The following ULK4 variants were observed in gnomAD, a reference collection of about 807,000 sequenced individuals.
The protein encoded by ULK4 is unc-51 like kinase 4.
In ULK4, 133 loss-of-function variants were observed where a neutral mutation model predicts 160.6. The ratio of observed to expected loss-of-function variants is 0.83; its 90% CI spans 0.72 to 0.96. ULK4 has a LOEUF of 0.96. ULK4 is among the 40% of genes least tolerant of loss of function. ULK4 has a pLI of 0.00. For missense variants in ULK4, 1,580 were observed against 1,499.5 expected (o/e 1.05, Z -0.89); for synonymous variants, 534 against 539.8 (o/e 0.99, Z 0.15).
At chr3:41,452,882 A>G (rs2083452973) in intron 34 of ULK4, among the ~76,000 whole-genome samples, 1 of 152,138 alleles carries the variant, frequency 6.6e-6, no homozygotes, top group Non-Finnish European at 1.5e-5. Context: ...GAATCAAAAC[A>G]TTGTATTTCA....
chr3:41,918,764 G>A (rs963577560), intron 6 of ULK4, among the ~76,000 whole-genome samples: 5 of 151,912 alleles, frequency 3.3e-5, no homozygotes, highest in Non-Finnish European at 7.4e-5. Context: ...GCCACGCCCA[G>A]CTAATTTTTT....
chr3:41,769,643 C>G (rs1028749794), intron 21 of ULK4, among the ~76,000 whole-genome samples: 4 of 152,102 alleles, frequency 2.6e-5, no homozygotes, highest in African/African-American at 9.7e-5. Context: ...CATTTCTTTT[C>G]TAACTTAAAG....
chr3:41,730,252 A>T (rs2037779800), intron 22 of ULK4, among the ~76,000 whole-genome samples: 1 of 152,170 alleles, frequency 6.6e-6, no homozygotes, highest in South Asian at 2.1e-4. Flanking sequence ...ACAACAAGAA[A>T]CTAAACCCAA....
intron 5 of ULK4, among the ~76,000 whole-genome samples, chr3:41,930,061 G>A (rs1322101456): frequency 6.6e-6 from 1 of 152,080 alleles, no homozygotes. Context: ...CAAAGCTGGA[G>A]GCATCGCACT....
At chr3:41,644,559 G>T (rs1178472867) in intron 30 of ULK4, among the ~76,000 whole-genome samples, 1 of 152,120 alleles carries the variant, frequency 6.6e-6, no homozygotes, top group Non-Finnish European at 1.5e-5. Context: ...GATCATGGTG[G>T]ATAAGCTTTT....
intron 35 of ULK4, among the ~76,000 whole-genome samples, chr3:41,305,988 C>A (rs1468926138): frequency 5.5e-5 from 7 of 127,706 alleles, no homozygotes; most frequent in Non-Finnish European, 1.0e-4. Context: ...GCCCGGCAAC[C>A]GCCCCGTCTG....
At chr3:41,935,240 T>A (rs1441931683) in intron 4 of ULK4, among the ~76,000 whole-genome samples, 2 of 137,126 alleles carry the variant, frequency 1.5e-5, no homozygotes, top group East Asian at 2.0e-4. Context: ...TTTTTTTTTT[T>A]TTTTTGAGAC....
intron 30 of ULK4, among the ~76,000 whole-genome samples, chr3:41,628,232 G>A (rs2033606137): frequency 6.6e-6 from 1 of 152,088 alleles, no homozygotes. Flanking sequence ...ATTTCTGTTG[G>A]CTCTAATGAT....
chr3:41,915,081 AAAT>A (rs1698920425), intron 8 of ULK4, among the ~76,000 whole-genome samples: 1 of 152,186 alleles, frequency 6.6e-6, no homozygotes, highest in South Asian at 2.1e-4. Context: ...TGTAAGCAAA[AAAT>A]TATATAGCAT....
intron 29 of ULK4, among the ~76,000 whole-genome samples, chr3:41,669,504 C>T (rs191366416): frequency 2.6e-5 from 4 of 152,290 alleles, no homozygotes; most frequent in South Asian, 2.1e-4. Flanking sequence ...GGGATCCTCC[C>T]GCCTTGGCCT....
chr3:41,396,348 C>A (rs955394282), intron 35 of ULK4, among the ~76,000 whole-genome samples: 13 of 138,938 alleles, frequency 9.4e-5, no homozygotes, highest in Non-Finnish European at 1.2e-4. Flanking sequence ...AAAAAAAAAT[C>A]TGATCCTGAG....
intron 21 of ULK4, among the ~76,000 whole-genome samples, chr3:41,781,096 CAGAG>C (rs1019495774): frequency 2.0e-5 from 3 of 151,672 alleles, no homozygotes; most frequent in Non-Finnish European, 4.4e-5. Flanking sequence ...TCTATACATA[CAGAG>C]AGAGAAAGCA....
chr3:41,772,559 G>C (rs1330564626), intron 21 of ULK4, among the ~76,000 whole-genome samples: 1 of 152,176 alleles, frequency 6.6e-6, no homozygotes, highest in African/African-American at 2.4e-5. Flanking sequence ...AACAGGATCT[G>C]AAATTGCGGC....
chr3:41,552,689 T>C (rs1423377685), intron 32 of ULK4, among the ~76,000 whole-genome samples: 1 of 151,704 alleles, frequency 6.6e-6, no homozygotes. Context: ...TATTGAGTCA[T>C]AGCAATTCCT....
intron 27 of ULK4, among the ~76,000 whole-genome samples, chr3:41,696,568 A>C (rs2036509173): frequency 6.6e-6 from 1 of 151,946 alleles, no homozygotes. Context: ...GTAGTGGTCC[A>C]CTGGGCCCAG....
At chr3:41,253,335 T>C (rs1575355816) in intron 35 of ULK4, among the ~76,000 whole-genome samples, 1 of 151,988 alleles carries the variant, frequency 6.6e-6, no homozygotes, top group Admixed American at 6.5e-5. Flanking sequence ...TCAACATATG[T>C]AGATGTAACA....
intron 34 of ULK4, among the ~76,000 whole-genome samples, chr3:41,443,366 C>T (rs1353571880): frequency 6.6e-6 from 1 of 152,172 alleles, no homozygotes; most frequent in African/African-American, 2.4e-5. Flanking sequence ...AAATGCTACA[C>T]AGACTTATCA....
intron 17 of ULK4, among the ~76,000 whole-genome samples, chr3:41,846,717 A>C (rs1035219476): frequency 2.0e-5 from 3 of 151,244 alleles, no homozygotes; most frequent in African/African-American, 7.3e-5. Context: ...AGACAGGAGG[A>C]TCACTTGAGC....
intron 31 of ULK4, among the ~76,000 whole-genome samples, chr3:41,598,676 C>T (rs1019846482): frequency 6.7e-6 from 1 of 149,452 alleles, no homozygotes. Flanking sequence ...CATATACACC[C>T]CCACACACAC....
Sources: allele counts gnomAD v4.1 joint callset (sites outside exome capture counted in the v4.1 genomes callset), GRCh38; gene constraint gnomAD v4.1.1; transcripts MANE v1.5; gene names NCBI Gene and HGNC (gene_info 2026-07-23, HGNC 2026-07-21).